Variants in RNF220 observed in about 807,000 individuals in gnomAD.
RNF220 encodes the protein E3 ubiquitin-protein ligase RNF220.
In RNF220, 7 loss-of-function variants were observed where a neutral mutation model predicts 67.1. That is an observed-to-expected ratio of 0.10 (90% confidence interval 0.06 to 0.20). The LOEUF is 0.20. Among genes scored for constraint, RNF220 ranks in the 10% least tolerant of loss-of-function variants. The probability of loss-of-function intolerance (pLI) is 1.00; values close to 1 mark genes in which losing one functional copy is unlikely to be tolerated. For synonymous variants in RNF220, 270 were observed against 283.2 expected (o/e 0.95, Z 0.47); for missense variants, 565 against 740.3 (o/e 0.76, Z 2.75).
At chr1:44,475,568 C>CAA (rs35917344) in intron 2 of RNF220, among the ~76,000 whole-genome samples, 1,471 of 70,836 alleles carry the variant, frequency 0.021, 24 homozygotes, top group African/African-American at 0.048. Context: ...GACTCGGTCT[C>CAA]AAAAAAAAAA....
intron 2 of RNF220, among the ~76,000 whole-genome samples, chr1:44,446,139 C>T (rs1304307166): frequency 1.3e-5 from 2 of 152,128 alleles, no homozygotes; most frequent in Non-Finnish European, 2.9e-5. Context: ...AACATAAAAA[C>T]ATGAGTATTA....
intron 4 of RNF220, among the ~76,000 whole-genome samples, chr1:44,625,733 C>CCA (rs1643918583): frequency 6.6e-6 from 1 of 151,702 alleles, no homozygotes. Context: ...AAACTGCAGG[C>CCA]GTATGTAGAA....
intron 2 of RNF220, among the ~76,000 whole-genome samples, chr1:44,448,762 G>GT (rs1652360077): frequency 6.6e-6 from 1 of 152,148 alleles, no homozygotes; most frequent in Non-Finnish European, 1.5e-5. Flanking sequence ...GAACATTAGA[G>GT]TTTTTTTAAG....
intron 2 of RNF220, among the ~76,000 whole-genome samples, chr1:44,589,133 T>C (rs549429545): frequency 6.6e-6 from 1 of 152,336 alleles, no homozygotes; most frequent in East Asian, 1.9e-4. Flanking sequence ...AAAAGCCATA[T>C]CTGTCTTCTA....
chr1:44,619,601 A>G (rs1198345429), intron 3 of RNF220, among the ~76,000 whole-genome samples: 1 of 152,222 alleles, frequency 6.6e-6, no homozygotes, highest in Non-Finnish European at 1.5e-5. Flanking sequence ...TGAATATTGT[A>G]CTTAGGAATG....
intron 2 of RNF220, among the ~76,000 whole-genome samples, chr1:44,562,967 G>A (rs1305936363): frequency 1.3e-5 from 2 of 151,308 alleles, no homozygotes; most frequent in East Asian, 3.9e-4. Context: ...CTGTCTTGGG[G>A]GAGCTGTGGA....
intron 2 of RNF220, chr1:44,545,645 T>C (rs966607405): frequency 6.5e-6 from 1 of 152,838 alleles, no homozygotes; most frequent in Non-Finnish European, 1.5e-5. Context: ...CTGACCAGAG[T>C]GTAGAGGGGT....
chr1:44,501,074 C>T (rs1229187659), intron 2 of RNF220, among the ~76,000 whole-genome samples: 1 of 145,824 alleles, frequency 6.9e-6, no homozygotes, highest in Non-Finnish European at 1.5e-5. Context: ...GTGGGGGTAT[C>T]GGGAGACAAT....
chr1:44,451,738 A>G (rs1278802596), intron 2 of RNF220, among the ~76,000 whole-genome samples: 1 of 152,042 alleles, frequency 6.6e-6, no homozygotes, highest in Non-Finnish European at 1.5e-5. Flanking sequence ...CTCCTGTCTC[A>G]GCCTTCCGAG....
intron 2 of RNF220, among the ~76,000 whole-genome samples, chr1:44,513,296 G>A (rs1278992977): frequency 6.6e-6 from 1 of 152,180 alleles, no homozygotes; most frequent in Non-Finnish European, 1.5e-5. Flanking sequence ...CCAGGGTGTG[G>A]CGTCCCTGGG....
At chr1:44,506,639 A>G (rs946971042) in intron 2 of RNF220, among the ~76,000 whole-genome samples, 1 of 152,220 alleles carries the variant, frequency 6.6e-6, no homozygotes, top group African/African-American at 2.4e-5. Context: ...CAGGTCCAGC[A>G]TCTCCCAAAA....
At chr1:44,632,139 G>A (rs1442792347) in intron 5 of RNF220, 13 of 1,533,828 alleles carry the variant, frequency 8.5e-6, no homozygotes, top group Middle Eastern at 3.5e-4. Flanking sequence ...TCCCGTTAGA[G>A]CAGCGCCCGG....
At chr1:44,458,692 G>T (rs149696271) in intron 2 of RNF220, among the ~76,000 whole-genome samples, 3 of 151,978 alleles carry the variant, frequency 2.0e-5, no homozygotes, top group East Asian at 1.9e-4. Flanking sequence ...CTTTCTTTTC[G>T]CACGATTGGT....
rs542094112 is a variant in RNF220 at position 44,428,540 on chromosome 1, A to G, written c.625+15818A>G. 1.2e-3 allele frequency among the ~76,000 whole-genome samples: 190 copies of G among 152,186 alleles called. 1 individual carries two copies. The highest frequency in any genetic ancestry group is 4.4e-3 in the African/African-American group (182 of 41,492). ...TACAAATACTCTTCTCCTAAATCTC[A>G]ACTTGATGACTTCCAAGCGCCGTTC... is the stretch of plus-strand genomic sequence containing the variant. On this transcript the variant is annotated intron_variant, in intron 2 of 14. Transcript: ENST00000361799.
In RNF220 at chr1:44,454,100, G is replaced by C. The variant is rs185542588; in HGVS notation, c.625+41378G>C. 2.6e-3 allele frequency among the ~76,000 whole-genome samples: 402 copies of C among 152,278 alleles called. 3 individuals are homozygous for C. The highest frequency in any genetic ancestry group is 9.3e-3 in the African/African-American group (388 of 41,562). ...ATAGTTTTGGGTGTGTGGACTCCCA[G>C]ATAAGTCTCAGGGATCTTCACATAT... On this transcript the variant is annotated intron_variant, in intron 2 of 14. Transcript: ENST00000361799.
At chr1:44,519,251 C>A in intron 2 of RNF220, among the ~76,000 whole-genome samples, 1 of 152,166 alleles carries the variant, frequency 6.6e-6, no homozygotes, top group East Asian at 1.9e-4. Flanking sequence ...TTTATTTAGT[C>A]ATTAATCAAC....
intron 2 of RNF220, among the ~76,000 whole-genome samples, chr1:44,549,854 G>A (rs932920834): frequency 6.6e-6 from 1 of 152,208 alleles, no homozygotes. Flanking sequence ...GCCCTGAGTA[G>A]GGGGTGGGCA....
In RNF220 at chr1:44,565,449, C is replaced by T. The variant is rs920765434; in HGVS notation, c.626-48716C>T. ...GGGCCCAGGCAGAGCCAGAGAGAGC[C>T]GCAGGAGCCGCTTAATCTGCCCCTA... On this transcript the variant is annotated intron_variant, in intron 2 of 14. Transcript: ENST00000361799. This position sits in a 1 kb window ranked among gnomAD's most constrained non-coding sequence, Gnocchi z 4.2. Among the ~76,000 whole-genome samples, 8 of 152,148 alleles carry T rather than the reference C, an allele frequency of 5.3e-5. No homozygotes were observed. The highest frequency in any genetic ancestry group is 1.4e-4 in the African/African-American group (6 of 41,440).
intron 2 of RNF220, among the ~76,000 whole-genome samples, chr1:44,462,741 A>G (rs544318003): frequency 6.6e-6 from 1 of 152,348 alleles, no homozygotes; most frequent in South Asian, 2.1e-4. Context: ...TAGAAAATAC[A>G]AGAAAGGCCG....
Sources: allele counts gnomAD v4.1 joint callset (sites outside exome capture counted in the v4.1 genomes callset), GRCh38; gene constraint gnomAD v4.1.1; non-coding constraint Gnocchi (gnomAD v3.1); transcripts MANE v1.5; gene names NCBI Gene and HGNC (gene_info 2026-07-23, HGNC 2026-07-21).